Variants in MYO1B observed in about 807,000 individuals in gnomAD.
The protein encoded by MYO1B is myosin IB.
Under a neutral mutation model 159.7 loss-of-function variants are expected in MYO1B, and 72 were observed. That is an observed-to-expected ratio of 0.45 (90% CI 0.37 to 0.55). The LOEUF (loss-of-function observed/expected upper bound fraction) is 0.55. Among genes scored for constraint, MYO1B ranks in the 20% least tolerant of loss-of-function variants. The probability of loss-of-function intolerance (pLI) is 0.00; values close to 1 mark genes in which losing one functional copy is unlikely to be tolerated. For synonymous variants in MYO1B, 468 were observed against 473.8 expected (o/e 0.99, Z 0.16); for missense variants, 1,062 against 1,364.8 (o/e 0.78, Z 3.50).
chr2:191,337,769 T>C lies in MYO1B; in HGVS notation c.347-3692T>C, dbSNP rs113557484. 2.7e-3 allele frequency among the ~76,000 whole-genome samples: 405 copies of C among 152,276 alleles called. 1 individual carries two copies. Among genetic ancestry groups the C allele is most frequent in the Non-Finnish European group, 4.9e-3 (334 of 67,996 alleles). On this transcript the variant is annotated intron_variant, in intron 4 of 30. Coordinates refer to ENST00000392318, the MANE Select transcript of MYO1B (RefSeq NM_001130158.3). ...TCTATTTTAAATGACAATATTCTTA[T>C]ATTTAACAGTCAACATAATTCAAAA...
chr2:191,401,250 T>C (rs114825021), intron 23 of MYO1B, among the ~76,000 whole-genome samples: 3,258 of 152,298 alleles, frequency 0.021, 51 homozygotes, highest in Middle Eastern at 0.048. Context: ...TGGAAATGCC[T>C]CTAACATATG....
intron 4 of MYO1B, among the ~76,000 whole-genome samples, chr2:191,339,520 T>C (rs913460479): frequency 2.0e-5 from 3 of 152,180 alleles, no homozygotes; most frequent in Non-Finnish European, 2.9e-5. Flanking sequence ...AGAACGGTAT[T>C]GCAAAGGTGG....
chr2:191,334,489 T>C (rs1321722061), intron 4 of MYO1B, among the ~76,000 whole-genome samples: 3 of 152,232 alleles, frequency 2.0e-5, no homozygotes, highest in Admixed American at 6.5e-5. Flanking sequence ...AAAATGGAGT[T>C]CATTCTTCTT....
At chr2:191,344,776 G>C (rs11888791) in intron 5 of MYO1B, among the ~76,000 whole-genome samples, 49,029 of 143,088 alleles carry the variant, frequency 0.34, 8,512 homozygotes, top group South Asian at 0.49. Context: ...CTTGCAGTGA[G>C]CCGAGATCCC....
chr2:191,331,860 CTGT>C (rs1381668431), intron 4 of MYO1B, among the ~76,000 whole-genome samples: 1 of 152,222 alleles, frequency 6.6e-6, no homozygotes, highest in African/African-American at 2.4e-5. Flanking sequence ...TATCTTGGTC[CTGT>C]TGTTCTGGAA....
At chr2:191,307,244 T>C (rs970541996) in intron 3 of MYO1B, among the ~76,000 whole-genome samples, 8 of 152,106 alleles carry the variant, frequency 5.3e-5, no homozygotes, top group Non-Finnish European at 8.8e-5. Flanking sequence ...TTTTTTTTTT[T>C]AGACCACGTA....
chr2:191,370,190 T>A (rs1468644579), intron 12 of MYO1B, 37 bp from the exon 13 acceptor site: 1 of 1,393,638 alleles, frequency 7.2e-7, no homozygotes, highest in Non-Finnish European at 1.0e-6. Context: ...TTATATTTCA[T>A]GCCTTAATTA....
chr2:191,306,506 G>T (rs769527162), intron 3 of MYO1B, among the ~76,000 whole-genome samples: 2 of 152,142 alleles, frequency 1.3e-5, no homozygotes, highest in Non-Finnish European at 2.9e-5. Flanking sequence ...TGAGCCTTGG[G>T]ATTTGAACTG....
intron 11 of MYO1B, among the ~76,000 whole-genome samples, chr2:191,368,550 G>C (rs566467270): frequency 5.9e-5 from 9 of 152,154 alleles, no homozygotes; most frequent in Non-Finnish European, 2.9e-5. Flanking sequence ...TCATAGAGAT[G>C]CATATGTCTT....
intron 3 of MYO1B, among the ~76,000 whole-genome samples, chr2:191,323,535 G>A (rs1690861417): frequency 6.6e-6 from 1 of 152,074 alleles, no homozygotes; most frequent in African/African-American, 2.4e-5. Context: ...GTATATTTTT[G>A]AGTGACCCAT....
chr2:191,316,641 G>A (rs1270165050), intron 3 of MYO1B, among the ~76,000 whole-genome samples: 2 of 152,188 alleles, frequency 1.3e-5, no homozygotes, highest in African/African-American at 4.8e-5. Context: ...TTTAGCAGGT[G>A]TTTAGCACTA....
At chr2:191,253,262 C>T (rs1686236640) in intron 1 of MYO1B, among the ~76,000 whole-genome samples, 1 of 152,196 alleles carries the variant, frequency 6.6e-6, no homozygotes, top group Admixed American at 6.5e-5. Flanking sequence ...ACTTATGTCA[C>T]CATTGTACCA....
At chr2:191,295,784 A>G (rs1688947501) in intron 2 of MYO1B, among the ~76,000 whole-genome samples, 1 of 152,222 alleles carries the variant, frequency 6.6e-6, no homozygotes, top group Non-Finnish European at 1.5e-5. Context: ...TCTTGCTTAC[A>G]GTTAGCAGTA....
At chr2:191,396,595 T>TGCA in intron 21 of MYO1B, 98 bp downstream of exon 21, 11 of 1,098,410 alleles carry the variant, frequency 1.0e-5, no homozygotes, top group Non-Finnish European at 1.5e-5. Context: ...GGGGCTCCTC[T>TGCA]GTCTCCTGCC....
At chr2:191,267,859 G>A (rs996057767) in intron 1 of MYO1B, among the ~76,000 whole-genome samples, 13 of 152,268 alleles carry the variant, frequency 8.5e-5, no homozygotes, top group African/African-American at 1.7e-4. Flanking sequence ...GTGTGTCATC[G>A]AGGCTCTCTG....
chr2:191,311,504 C>T (rs555348809), intron 3 of MYO1B, among the ~76,000 whole-genome samples: 33 of 152,282 alleles, frequency 2.2e-4, no homozygotes, highest in African/African-American at 4.6e-4. Context: ...GTTTTTAAGC[C>T]GTTGCTTTGC....
chr2:191,405,888 G>T (rs1696888159), intron 24 of MYO1B, among the ~76,000 whole-genome samples: 2 of 152,232 alleles, frequency 1.3e-5, no homozygotes, highest in Admixed American at 6.5e-5. Context: ...CTTAAAGTTA[G>T]CAGCTGTATT....
In MYO1B at chr2:191,339,173, G is replaced by T. The variant is rs73981566; in HGVS notation, c.347-2288G>T. Among the ~76,000 whole-genome samples the T allele has an allele frequency of 9.0e-3, 1,370 of 152,256 alleles. 22 individuals are homozygous for T. Among genetic ancestry groups the T allele is most frequent in the African/African-American group, 0.031 (1,305 of 41,520 alleles). ...CTGCCCCAGTGCTGGAGACTAGATAGCACCGGATGTTAGGAACCTGCTAGG... is the reference window on the plus strand; with the variant it reads ...CTGCCCCAGTGCTGGAGACTAGATATCACCGGATGTTAGGAACCTGCTAGG... On this transcript the variant is annotated intron_variant, in intron 4 of 30. Coordinates refer to ENST00000392318, the MANE Select transcript of MYO1B (RefSeq NM_001130158.3).
intron 1 of MYO1B, among the ~76,000 whole-genome samples, chr2:191,255,804 G>A (rs1013382603): frequency 7.9e-6 from 1 of 126,124 alleles, no homozygotes; most frequent in Non-Finnish European, 1.9e-5. Flanking sequence ...TTTGAGTATT[G>A]CCACTGCTGC....
Sources: allele counts gnomAD v4.1 joint callset (sites outside exome capture counted in the v4.1 genomes callset), GRCh38; gene constraint gnomAD v4.1.1; transcripts MANE v1.5; gene names NCBI Gene and HGNC (gene_info 2026-07-23, HGNC 2026-07-21).